The following GNA14 variants were observed in gnomAD, a reference collection of about 807,000 sequenced individuals.
GNA14 encodes G protein subunit alpha 14.
Under a neutral mutation model 42.0 loss-of-function variants are expected in GNA14, and 50 were observed. The ratio of observed to expected loss-of-function variants is 1.19; its 90% confidence interval spans 0.95 to 1.51. The LOEUF is 1.51. GNA14 is among the 40% of genes most tolerant of loss of function. The pLI is 0.00. For synonymous variants in GNA14, 173 were observed against 163.1 expected, an observed-to-expected ratio of 1.06 and a Z score of -0.46; for missense variants, 473 against 446.2, an observed-to-expected ratio of 1.06 and a Z score of -0.54.
At chr9:77,509,774 A>G (rs1453742333) in intron 2 of GNA14, among the ~76,000 whole-genome samples, 1 of 152,118 alleles carries the variant, frequency 6.6e-6, no homozygotes, top group East Asian at 1.9e-4. Flanking sequence ...CATTGAAAGT[A>G]ATGACAAAAA....
At chr9:77,581,411 TG>T (rs1823222380) in intron 1 of GNA14, among the ~76,000 whole-genome samples, 1 of 152,196 alleles carries the variant, frequency 6.6e-6, no homozygotes, top group Admixed American at 6.5e-5. Flanking sequence ...TTTCCTCATA[TG>T]TAAAATGAAG....
chr9:77,621,464 A>G (rs1823920196), intron 1 of GNA14, among the ~76,000 whole-genome samples: 1 of 152,248 alleles, frequency 6.6e-6, no homozygotes, highest in Admixed American at 6.5e-5. Context: ...GTGCACACAC[A>G]CAGAATAAAT....
intron 1 of GNA14, among the ~76,000 whole-genome samples, chr9:77,574,939 C>G (rs571878394): frequency 6.6e-6 from 1 of 152,322 alleles, no homozygotes; most frequent in East Asian, 1.9e-4. Flanking sequence ...TAACTGTTAG[C>G]TGCCTCACAC....
At position 77,466,999 on chromosome 9, in the gene GNA14, C is replaced by CGG. The variant is rs1471181127; in HGVS notation, c.310-32479_310-32478dup. 6.3e-5 allele frequency among the ~76,000 whole-genome samples: 6 copies of CGG among 95,644 alleles called. No individual in the cohort carries two copies. In the East Asian group the frequency reaches 1.7e-3, roughly 27 times the overall value. 62.7% of individuals were successfully genotyped at this position (95,644 alleles called of 152,430 possible). A position where few individuals can be genotyped will look rare whatever the true frequency, so the allele number is the denominator to read the frequency against. On this transcript the variant is annotated intron_variant, in intron 2 of 6. Coordinates refer to ENST00000341700, the MANE Select transcript of GNA14 (RefSeq NM_004297.4). Reference sequence around the variant, plus strand: ...TAGGGTTTTTTTGCCTTTTACCACTCGGTGTGTGTGTGTGTGTGTGTGTGT... The same window carrying CGG: ...TAGGGTTTTTTTGCCTTTTACCACTCGGGGTGTGTGTGTGTGTGTGTGTGTGT...
chr9:77,549,474 C>T (rs1387906161), intron 1 of GNA14, among the ~76,000 whole-genome samples: 1 of 152,196 alleles, frequency 6.6e-6, no homozygotes, highest in Non-Finnish European at 1.5e-5. Flanking sequence ...AAAATTCCCG[C>T]ACTTGTCACT....
At chr9:77,439,571 AG>A (rs1193170746) in intron 2 of GNA14, among the ~76,000 whole-genome samples, 13 of 152,358 alleles carry the variant, frequency 8.5e-5, no homozygotes, top group Non-Finnish European at 1.9e-4. Context: ...TGGGAGGTCA[AG>A]GCTGCAGCGA....
chr9:77,618,790 C>T (rs1411775541), intron 1 of GNA14, among the ~76,000 whole-genome samples: 1 of 146,808 alleles, frequency 6.8e-6, no homozygotes, highest in Non-Finnish European at 1.5e-5. Flanking sequence ...CCCGCCACTA[C>T]GCCCGGCTAA....
chr9:77,431,082 T>A (rs1835544929), intron 4 of GNA14, among the ~76,000 whole-genome samples: 1 of 146,786 alleles, frequency 6.8e-6, no homozygotes, highest in South Asian at 2.2e-4. Flanking sequence ...GTGTTACACA[T>A]AAGAATCATT....
rs77456583 is a variant in GNA14, at chr9:77,454,476, T to C, written c.310-19954A>G. Among the ~76,000 whole-genome samples the C allele has an allele frequency of 4.7e-3, 716 of 152,290 alleles. 3 individuals are homozygous for C. Among genetic ancestry groups the C allele is most frequent in the African/African-American group, 0.015 (632 of 41,554 alleles). The stretch of plus-strand genomic sequence containing the variant: ...GCTAAGTGCCAGGCCACTCAGACTT[T>C]GCTGAGCTGTTGAACCTTGAGGGGA... On this transcript the variant is annotated intron_variant, in intron 2 of 6. Coordinates refer to ENST00000341700, the MANE Select transcript of GNA14 (RefSeq NM_004297.4).
chr9:77,527,528 T>G (rs1837459190), intron 2 of GNA14, among the ~76,000 whole-genome samples: 1 of 152,214 alleles, frequency 6.6e-6, no homozygotes, highest in South Asian at 2.1e-4. Flanking sequence ...TTGTTAGCGT[T>G]AGTGTGTTTA....
intron 2 of GNA14, among the ~76,000 whole-genome samples, chr9:77,493,003 G>GAAAAAA (rs56355394): frequency 5.0e-5 from 2 of 39,860 alleles, no homozygotes; most frequent in Non-Finnish European, 7.8e-5. Flanking sequence ...TCCGTCTCAG[G>GAAAAAA]AAAAAAAAAA....
At chr9:77,643,251 T>C (rs1271045051) in intron 1 of GNA14, among the ~76,000 whole-genome samples, 1 of 151,826 alleles carries the variant, frequency 6.6e-6, no homozygotes, top group Non-Finnish European at 1.5e-5. Context: ...TTTTTTTTTT[T>C]TTTTTGAGAC....
chr9:77,620,061 C>T (rs1302961839), intron 1 of GNA14, among the ~76,000 whole-genome samples: 1 of 152,092 alleles, frequency 6.6e-6, no homozygotes, highest in Non-Finnish European at 1.5e-5. Context: ...TCCTCAGTTA[C>T]ACTGGAGGCA....
At chr9:77,482,263 A>T (rs1198426182) in intron 2 of GNA14, among the ~76,000 whole-genome samples, 1 of 152,118 alleles carries the variant, frequency 6.6e-6, no homozygotes, top group Non-Finnish European at 1.5e-5. Context: ...AAAATCTCTC[A>T]GCATTTGCTT....
chr9:77,507,521 C>G (rs1326361889), intron 2 of GNA14, among the ~76,000 whole-genome samples: 3 of 152,118 alleles, frequency 2.0e-5, no homozygotes, highest in Non-Finnish European at 4.4e-5. Flanking sequence ...GCAACTGAAC[C>G]CCCGAGCATC....
At chr9:77,450,212 A>T (rs1441657074) in intron 2 of GNA14, among the ~76,000 whole-genome samples, 1 of 152,146 alleles carries the variant, frequency 6.6e-6, no homozygotes, top group Non-Finnish European at 1.5e-5. Flanking sequence ...CTTGATTTAC[A>T]AAATGGGATA....
chr9:77,516,608 C>T (rs554853306), intron 2 of GNA14, among the ~76,000 whole-genome samples: 1 of 152,198 alleles, frequency 6.6e-6, no homozygotes, highest in East Asian at 1.9e-4. Flanking sequence ...CACCTGTAGT[C>T]CTGGCTACTC....
At chr9:77,638,677 G>T (rs1824216435) in intron 1 of GNA14, among the ~76,000 whole-genome samples, 1 of 152,246 alleles carries the variant, frequency 6.6e-6, no homozygotes, top group Non-Finnish European at 1.5e-5. Flanking sequence ...TTTATTCCAA[G>T]TGTAAGTAAA....
At chr9:77,429,874 A>G (rs1835515531) in intron 4 of GNA14, among the ~76,000 whole-genome samples, 1 of 152,174 alleles carries the variant, frequency 6.6e-6, no homozygotes, top group Admixed American at 6.5e-5. Flanking sequence ...AAGAAAATAC[A>G]TAATGGACCA....
Sources: gnomAD v4.1 joint callset for allele counts (sites outside exome capture counted in the v4.1 genomes callset) on GRCh38, gnomAD v4.1.1 for gene constraint, MANE v1.5 for transcripts, NCBI Gene and HGNC (gene_info 2026-07-23, HGNC 2026-07-21) for gene names.